The following PAPOLA variants were observed in gnomAD, a reference collection of about 807,000 sequenced individuals.
PAPOLA encodes the protein polynucleotide adenylyltransferase alpha.
A neutral mutation model predicts 100.6 loss-of-function variants in PAPOLA; 15 were observed. The ratio of observed to expected loss-of-function variants is 0.15; its 90% CI spans 0.10 to 0.23. PAPOLA has a LOEUF of 0.23. PAPOLA is among the 10% of genes least tolerant of loss of function. The pLI, the probability that PAPOLA is intolerant of heterozygous loss-of-function variation, is 1.00. For missense variants in PAPOLA, 533 were observed against 884.2 expected (o/e 0.60, Z 5.04); for synonymous variants, 293 against 300.0 (o/e 0.98, Z 0.24).
At chr14:96,511,839 C>T (rs1380281897) in intron 1 of PAPOLA, among the ~76,000 whole-genome samples, 1 of 152,228 alleles carries the variant, frequency 6.6e-6, no homozygotes, top group East Asian at 1.9e-4. Flanking sequence ...GCCGCCCTAG[C>T]AGCTTCCTGG....
In PAPOLA at chr14:96,564,482, G is replaced by A. The variant is rs926110370; in HGVS notation, c.2143-473G>A. ...TAAAATTTAGGATGATTAAATTATT[G>A]CTTAGCTGTATATATTTGTTTAATT... On this transcript the variant is annotated intron_variant, in intron 21 of 21. Transcript: ENST00000216277. Among the ~76,000 whole-genome samples the A allele has an allele frequency of 3.3e-5, 5 of 151,968 alleles. No homozygotes were observed. The East Asian group carries it at 5.8e-4, about 18-fold the overall frequency.
At chr14:96,553,356 A>C (rs1901007779) in intron 17 of PAPOLA, 1 of 151,776 alleles carries the variant, frequency 6.6e-6, no homozygotes, top group East Asian at 1.9e-4. Flanking sequence ...TCTAGAAAAA[A>C]GTAAAAGAAT....
intron 19 of PAPOLA, among the ~76,000 whole-genome samples, chr14:96,557,016 C>T (rs954371628): frequency 6.6e-5 from 10 of 152,024 alleles, no homozygotes; most frequent in African/African-American, 2.4e-4. Context: ...TAGCTAGACC[C>T]ACAGGTGCAT....
chr14:96,549,874 C>T (rs1900697502), intron 16 of PAPOLA, among the ~76,000 whole-genome samples: 2 of 151,988 alleles, frequency 1.3e-5, no homozygotes, highest in Non-Finnish European at 2.9e-5. Context: ...ATTTTGGACC[C>T]GGGAATGGTG....
At chr14:96,516,270 T>G (rs1366589172) in intron 1 of PAPOLA, among the ~76,000 whole-genome samples, 1 of 152,086 alleles carries the variant, frequency 6.6e-6, no homozygotes, top group East Asian at 1.9e-4. Context: ...AATTTCAGAG[T>G]ATGCATTTGT....
intron 10 of PAPOLA, chr14:96,535,098 G>C (rs1899403126): frequency 1.0e-6 from 1 of 982,362 alleles, no homozygotes; most frequent in Non-Finnish European, 1.2e-6. Context: ...TGTTTCTTGG[G>C]AAGTTACAAC....
At chr14:96,522,112 C>CTTTTTTTTTTTTTTTTTTTTTTTTT (rs1350167869) in intron 3 of PAPOLA, among the ~76,000 whole-genome samples, 3 of 98,714 alleles carry the variant, frequency 3.0e-5, no homozygotes, top group African/African-American at 5.1e-5. Flanking sequence ...CTCTTTCTTT[C>CTTTTTTTTTTTTTTTTTTTTTTTTT]TTTCTTTTTT....
At chr14:96,559,783 C>T (rs1249124121) in intron 19 of PAPOLA, among the ~76,000 whole-genome samples, 3 of 151,864 alleles carry the variant, frequency 2.0e-5, no homozygotes, top group Non-Finnish European at 2.9e-5. Flanking sequence ...ACTTCCTTCC[C>T]CATTGTTTTG....
intron 10 of PAPOLA, chr14:96,534,821 A>G: frequency 1.7e-6 from 2 of 1,206,640 alleles, no homozygotes; most frequent in Non-Finnish European, 2.1e-6. Flanking sequence ...TTTATTCTAT[A>G]TAGAACTACC....
chr14:96,533,515 G>GGTGTGATA (rs1428692739), intron 9 of PAPOLA: 12 of 951,892 alleles, frequency 1.3e-5, no homozygotes, highest in Admixed American at 6.2e-5. Context: ...CTTATAATCA[G>GGTGTGATA]GTGTGATAAG....
intron 11 of PAPOLA, among the ~76,000 whole-genome samples, chr14:96,536,618 C>CTCTA (rs1899554964): frequency 6.6e-6 from 1 of 151,854 alleles, no homozygotes; most frequent in Admixed American, 6.6e-5. Flanking sequence ...GGGAAGATGC[C>CTCTA]TCTATCCCTT....
Position 96,534,256 on chromosome 14 carries a change from C to T in PAPOLA, c.837-235C>T, listed in dbSNP as rs976147729. 71 of 1,335,640 alleles carry T rather than the reference C, an allele frequency of 5.3e-5. No individual in the cohort carries two copies. The African/African-American group carries it at 9.3e-4, about 17-fold the overall frequency. The allele number at this position is 1,335,640 out of a possible 1,614,324, so 82.7% of individuals were successfully genotyped here. A position where few individuals can be genotyped will look rare whatever the true frequency, so the allele number is the denominator to read the frequency against. On this transcript the variant is annotated intron_variant, in intron 9 of 21. Coordinates refer to ENST00000216277, the MANE Select transcript of PAPOLA (RefSeq NM_032632.5). Reference sequence around the variant, plus strand: ...TAGTCCTTTAAAGTTCTTTGAGTGGCAGAGAACGTTTTTGGTTTCAGTCTG... The same window carrying T: ...TAGTCCTTTAAAGTTCTTTGAGTGGTAGAGAACGTTTTTGGTTTCAGTCTG...
chr14:96,508,090 G>T (rs1173584363), intron 1 of PAPOLA, among the ~76,000 whole-genome samples: 2 of 152,062 alleles, frequency 1.3e-5, no homozygotes, highest in Non-Finnish European at 2.9e-5. Context: ...TGGCCAGGTT[G>T]GTCTCGAACT....
rs150508235 is a variant in PAPOLA, at chr14:96,513,491, G to A, written c.9-6564G>A. Among the ~76,000 whole-genome samples the A allele has an allele frequency of 1.7e-4, 26 of 152,238 alleles. 1 individual carries two copies. In the East Asian group the frequency reaches 5.0e-3, roughly 29 times the overall value. On this transcript the variant is annotated intron_variant, in intron 1 of 21. Coordinates refer to ENST00000216277, the MANE Select transcript of PAPOLA (RefSeq NM_032632.5). ...CTAGTATTTTTGTAATAAATAGATC[G>A]CTGGAGATAAAGTTGCTAGACAAAC...
chr14:96,535,689 T>A (rs967089027), intron 10 of PAPOLA, 190 bp from the exon 11 acceptor site: 4 of 818,214 alleles, frequency 4.9e-6, no homozygotes, highest in African/African-American at 3.6e-5. Flanking sequence ...ATCATTAGTT[T>A]AGATGAAATC....
intron 1 of PAPOLA, among the ~76,000 whole-genome samples, chr14:96,516,916 A>C (rs1425893941): frequency 6.6e-6 from 1 of 152,216 alleles, no homozygotes; most frequent in African/African-American, 2.4e-5. Flanking sequence ...GTTTATTGTG[A>C]CAATGAAAGC....
intron 12 of PAPOLA, among the ~76,000 whole-genome samples, chr14:96,539,959 T>A (rs1190808441): frequency 6.6e-6 from 1 of 152,148 alleles, no homozygotes; most frequent in African/African-American, 2.4e-5. Flanking sequence ...TAAATGTGGC[T>A]GAGTAAAGGA....
intron 9 of PAPOLA, chr14:96,533,747 G>A (rs1290758763): frequency 5.5e-6 from 2 of 361,606 alleles, no homozygotes; most frequent in Non-Finnish European, 7.7e-6. Context: ...TAGAGACGAG[G>A]TTTCACTGTG....
At chr14:96,510,479 G>C (rs947263690) in intron 1 of PAPOLA, among the ~76,000 whole-genome samples, 5 of 149,288 alleles carry the variant, frequency 3.3e-5, no homozygotes, top group African/African-American at 1.2e-4. Context: ...CAACACACAC[G>C]CGCGCGTGCG....
Sources: allele counts gnomAD v4.1 joint callset (sites outside exome capture counted in the v4.1 genomes callset), GRCh38; gene constraint gnomAD v4.1.1; transcripts MANE v1.5; gene names NCBI Gene and HGNC (gene_info 2026-07-23, HGNC 2026-07-21).